ADCY7: variants seen among roughly 807,000 people sequenced by gnomAD.
ADCY7 encodes adenylate cyclase type 7.
Under a neutral mutation model 120.6 loss-of-function variants are expected in ADCY7, and 72 were observed. The ratio of observed to expected loss-of-function variants is 0.60; its 90% CI spans 0.49 to 0.73. ADCY7 has a LOEUF of 0.73. Among genes scored for constraint, ADCY7 ranks in the 30% least tolerant of loss-of-function variants. The probability of loss-of-function intolerance (pLI) is 0.00; values close to 1 mark genes in which losing one functional copy is unlikely to be tolerated. For synonymous variants in ADCY7, 661 were observed against 628.0 expected (o/e 1.05, Z -0.78); for missense variants, 1,227 against 1,486.0 (o/e 0.83, Z 2.87).
chr16:50,294,660 T>G lies in ADCY7; in HGVS notation c.857T>G (p.Val286Gly). 2 of 1,582,400 alleles carry G rather than the reference T, an allele frequency of 1.3e-6. No homozygotes were observed. The highest frequency in any genetic ancestry group is 1.7e-6 in the Non-Finnish European group (2 of 1,156,168). Reference protein sequence around the residue: ...QNVSILYADIVGFTQLASDCS... With the variant: ...QNVSILYADIGGFTQLASDCS... The stretch of plus-strand genomic sequence containing the variant: ...CCCAGCATCCTCTATGCGGACATCG[T>G]GGGCTTCACGCAGCTGGCCAGCGAC... Residue 286 changes from valine (V) to glycine (G), a missense_variant, in exon 7 of 26, where the codon GTG (valine) becomes GGG (glycine). By Grantham distance (109) the Val-to-Gly change is moderately radical. Coordinates refer to ENST00000673801, the MANE Select transcript of ADCY7 (RefSeq NM_001114.5).
chr16:50,305,484 T>C lies in ADCY7; in HGVS notation c.1596-19T>C. On this transcript the variant is annotated intron_variant, in intron 12 of 25. Transcript: ENST00000673801. ...GAGGTGGTCGCTGTGCTGATGCAGT[T>C]GTGGGTATCTGATTCCAGAAGCATG... 6.2e-7 allele frequency: 1 copy of C among 1,611,280 alleles called. No individual in the cohort carries two copies. Among genetic ancestry groups the C allele is most frequent in the East Asian group, 2.2e-5 (1 of 44,862 alleles).
intron 10 of ADCY7, 96 bp from the exon 11 acceptor site, chr16:50,304,264 C>G: frequency 3.4e-6 from 4 of 1,190,982 alleles, no homozygotes; most frequent in Non-Finnish European, 4.4e-6. Flanking sequence ...CTCAGGGCGG[C>G]GTCACACTTC....
rs766450001 is a variant in ADCY7, at chr16:50,312,189, G to C, written c.2602G>C (p.Glu868Gln). 8.7e-6 allele frequency: 14 copies of C among 1,611,356 alleles called. No homozygotes were observed. In the South Asian group the frequency reaches 1.5e-4, roughly 18 times the overall value. The change falls in exon 21 of 26, where the codon GAG becomes CAG. Residue 868 changes from glutamate to glutamine, a missense_variant and splice_region_variant. Coordinates refer to ENST00000673801, the MANE Select transcript of ADCY7 (RefSeq NM_001114.5). ...CCACTTTATCGGTGACAAGTTAAAC[G>C]AGGTGTGCTGAGAAGGGGCTGGGGC... ...AAHFIGDKLN[E>Q]DWYHQSYDCV...
intron 1 of ADCY7, among the ~76,000 whole-genome samples, chr16:50,286,098 T>TA (rs1472730815): frequency 6.6e-6 from 1 of 152,004 alleles, no homozygotes; most frequent in African/African-American, 2.4e-5. Flanking sequence ...GTGGGCTATT[T>TA]AAAAAAATAA....
chr16:50,314,488 G>A (rs575851271), intron 24 of ADCY7, 82 bp downstream of exon 24: 30 of 1,016,948 alleles, frequency 2.9e-5, no homozygotes, highest in East Asian at 1.0e-4. Context: ...GCTGCACCTC[G>A]CCATCTATTA....
intron 21 of ADCY7, 93 bp from the exon 22 acceptor site, chr16:50,312,797 A>C: frequency 3.9e-5 from 42 of 1,069,826 alleles, no homozygotes; most frequent in Non-Finnish European, 4.3e-5. Flanking sequence ...TGGGCTGGGC[A>C]GTTCAGCAGT....
rs543740803 is a variant in ADCY7 at position 50,304,723 on chromosome 16, T to C, written c.1560+172T>C. Reference sequence around the variant, plus strand: ...AGAGGAAGCAAAGACATTTGGAGAATACTCCGGGATGGCCAGGAACATCCC... The same window carrying C: ...AGAGGAAGCAAAGACATTTGGAGAACACTCCGGGATGGCCAGGAACATCCC... On this transcript the variant is annotated intron_variant, in intron 11 of 25. Coordinates refer to ENST00000673801, the MANE Select transcript of ADCY7 (RefSeq NM_001114.5). Among the ~76,000 whole-genome samples, 6 of 152,316 alleles carry C rather than the reference T, an allele frequency of 3.9e-5. No homozygotes were observed. In the South Asian group the frequency reaches 1.0e-3, roughly 26 times the overall value.
In ADCY7 at chr16:50,315,351, C is replaced by G; in HGVS notation, c.3097-8C>G. On this transcript the variant is annotated splice_region_variant and splice_polypyrimidine_tract_variant and intron_variant, in intron 25 of 25. Coordinates refer to ENST00000673801, the MANE Select transcript of ADCY7 (RefSeq NM_001114.5). ...CTCTGAAGACAACAGGTCTCTCTTC[C>G]TTTTCAGGTTACCGAGGAGACCTGC... is the stretch of plus-strand genomic sequence containing the variant. The G allele has an allele frequency of 6.2e-7, 1 of 1,602,702 alleles. No homozygotes were observed. The highest frequency in any genetic ancestry group is 8.5e-7 in the Non-Finnish European group (1 of 1,170,512).
At chr16:50,274,813 G>C (rs964822695) in intron 1 of ADCY7, among the ~76,000 whole-genome samples, 1 of 152,156 alleles carries the variant, frequency 6.6e-6, no homozygotes, top group Non-Finnish European at 1.5e-5. Flanking sequence ...GGTCTGAGTG[G>C]GAAGGGCCCT....
upstream of ADCY7, among the ~76,000 whole-genome samples, chr16:50,264,589 A>C (rs1044806241): frequency 1.3e-5 from 2 of 152,204 alleles, no homozygotes; most frequent in Admixed American, 6.5e-5. Flanking sequence ...CTAGCAGTAC[A>C]TGAGAGTGAA....
intron 17 of ADCY7, 92 bp from the exon 18 acceptor site, chr16:50,309,456 A>G: frequency 9.8e-7 from 1 of 1,016,024 alleles, no homozygotes. Context: ...GGCTGCTGTG[A>G]TACTCATGGT....
At chr16:50,299,393 G>T (rs770714077) in intron 8 of ADCY7, among the ~76,000 whole-genome samples, 1 of 152,244 alleles carries the variant, frequency 6.6e-6, no homozygotes, top group Admixed American at 6.5e-5. Flanking sequence ...CGACTCCAAG[G>T]CTCCATCTGC....
intron 1 of ADCY7, among the ~76,000 whole-genome samples, chr16:50,260,044 G>T (rs1246298576): frequency 1.3e-5 from 2 of 152,214 alleles, no homozygotes; most frequent in Non-Finnish European, 2.9e-5. Context: ...CCTCTCCCTG[G>T]GGAGCTCACC....
At chr16:50,304,285 G>A (rs920428233) in intron 10 of ADCY7, 75 bp from the exon 11 acceptor site, 114 of 1,322,768 alleles carry the variant, frequency 8.6e-5, no homozygotes, top group Non-Finnish European at 1.0e-4. Context: ...AGGGAGAGCT[G>A]GATGGGGATG....
intron 1 of ADCY7, among the ~76,000 whole-genome samples, chr16:50,284,592 G>A (rs2034469279): frequency 6.6e-6 from 1 of 152,260 alleles, no homozygotes; most frequent in African/African-American, 2.4e-5. Flanking sequence ...GGTGTTTGGA[G>A]CTTCTCAGCC....
intron 1 of ADCY7, among the ~76,000 whole-genome samples, chr16:50,272,760 G>A (rs549693130): frequency 6.6e-6 from 1 of 152,256 alleles, no homozygotes; most frequent in South Asian, 2.1e-4. Context: ...TGTAGGCTGG[G>A]ATGAGACCTC....
intron 9 of ADCY7, 86 bp downstream of exon 9, chr16:50,300,959 T>G (rs539825418): frequency 6.5e-7 from 1 of 1,531,250 alleles, no homozygotes; most frequent in Non-Finnish European, 8.8e-7. Context: ...GGGGGTCAGG[T>G]GTGGAGGGAG....
At chr16:50,250,638 A>T (rs1276428649) in intron 1 of ADCY7, among the ~76,000 whole-genome samples, 1 of 97,898 alleles carries the variant, frequency 1.0e-5, no homozygotes, top group Non-Finnish European at 2.2e-5. Context: ...AACAAATTTT[A>T]AAAATGCAGT....
At chr16:50,258,530 C>T (rs113470317) in intron 1 of ADCY7, among the ~76,000 whole-genome samples, 1 of 151,834 alleles carries the variant, frequency 6.6e-6, no homozygotes, top group Non-Finnish European at 1.5e-5. Flanking sequence ...CTGGGAGGCA[C>T]GTGGTCTGGT....
Sources: allele counts gnomAD v4.1 joint callset (sites outside exome capture counted in the v4.1 genomes callset), GRCh38; gene constraint gnomAD v4.1.1; transcripts MANE v1.5; gene names NCBI Gene and HGNC (gene_info 2026-07-23, HGNC 2026-07-21).